The following CREB3L1 variants were observed in gnomAD, a reference collection of about 807,000 sequenced individuals.
CREB3L1 encodes cyclic AMP-responsive element-binding protein 3-like protein 1.
In CREB3L1, 33 loss-of-function variants were observed where a neutral mutation model predicts 54.5. The ratio of observed to expected loss-of-function variants is 0.61; its 90% CI spans 0.46 to 0.81. The LOEUF is 0.81. Ranked by LOEUF, CREB3L1 falls within the 30% of genes least tolerant of loss-of-function variation. The pLI is 0.00. For missense variants in CREB3L1, 656 were observed against 673.3 expected, an observed-to-expected ratio of 0.97 and a Z score of 0.29; for synonymous variants, 284 against 286.4, an observed-to-expected ratio of 0.99 and a Z score of 0.08.
Position 46,316,382 on chromosome 11 carries a change from C to T in CREB3L1, c.1128C>T (p.Leu376=). The change falls in exon 9 of 12, where the codon CTC becomes CTT. Residue 376 remains leucine (L), a synonymous_variant. Transcript: ENST00000621158. ...KMAATQTGTC[L]MVAALCFVLV... ...CCGCCACCCAGACTGGGACCTGCCT[C>T]ATGGTAGGTGTGGCTCCCTCCACCA... The T allele has an allele frequency of 6.5e-7, 1 of 1,550,006 alleles. No homozygotes were observed. Among genetic ancestry groups the T allele is most frequent in the Non-Finnish European group, 8.8e-7 (1 of 1,141,706 alleles).
chr11:46,301,686 C>A (rs1369533913), intron 2 of CREB3L1, among the ~76,000 whole-genome samples: 1 of 149,710 alleles, frequency 6.7e-6, no homozygotes, highest in African/African-American at 2.5e-5. Flanking sequence ...AGACGGGGTG[C>A]TGTGGCTCAC....
intron 2 of CREB3L1, among the ~76,000 whole-genome samples, chr11:46,300,974 C>T (rs1939290678): frequency 7.5e-6 from 1 of 133,780 alleles, no homozygotes; most frequent in Non-Finnish European, 1.5e-5. Flanking sequence ...CACTGCACTC[C>T]AGCCTGGGCG....
chr11:46,316,232 G>A (rs1939563810), intron 8 of CREB3L1, 54 bp from the exon 9 acceptor site: 1 of 1,159,982 alleles, frequency 8.6e-7, no homozygotes, highest in East Asian at 2.6e-5. Flanking sequence ...GCTCCAGGAG[G>A]CAGAGATGCC....
In CREB3L1 at chr11:46,302,168, A is replaced by AAATAATAATAAT. The variant is rs61146206; in HGVS notation, c.331+2044_331+2055dup. Among the ~76,000 whole-genome samples, 348 of 135,618 alleles carry AAATAATAATAAT rather than the reference A, an allele frequency of 2.6e-3. 1 individual carries two copies. The highest frequency in any genetic ancestry group is 3.5e-3 in the South Asian group (14 of 3,962). The allele number at this position is 135,618 out of a possible 152,430, so 89.0% of individuals were successfully genotyped here. A position where few individuals can be genotyped will look rare whatever the true frequency, so the allele number is the denominator to read the frequency against. ...GGGCAACAGAGCGAGGCTCCGTCTC[A>AAATAATAATAAT]AATAATAATAATAATAATAATAATA... is the stretch of plus-strand genomic sequence containing the variant. On this transcript the variant is annotated intron_variant, in intron 2 of 11. Coordinates refer to ENST00000621158, the MANE Select transcript of CREB3L1 (RefSeq NM_052854.4).
In CREB3L1 at chr11:46,312,672, T is replaced by A; in HGVS notation, c.962+2T>A. On this transcript the variant is annotated splice_donor_variant, in intron 7 of 11. Coordinates refer to ENST00000621158, the MANE Select transcript of CREB3L1 (RefSeq NM_052854.4). LOFTEE classifies it high-confidence loss of function. ...GTATGTGGAGTGTCTAGAAAAGAAG[T>A]AAGGGGCTTGGGAGGGGTGGGCAAT... 1 of 1,605,992 alleles carries A rather than the reference T, an allele frequency of 6.2e-7. No individual in the cohort carries two copies. Among genetic ancestry groups the A allele is most frequent in the Non-Finnish European group, 8.5e-7 (1 of 1,175,596 alleles).
rs1939192042 is a variant in CREB3L1 at position 46,295,307 on chromosome 11, CAG to C, written c.103-4624_103-4623del. ...CCGGGAGAGTCCCCTCTGCCGCCAC[CAG>C]AGACAGCCACCAAAGCGCCCCACGG... On this transcript the variant is annotated intron_variant, in intron 1 of 11. Transcript: ENST00000621158. This position sits in a 1 kb window ranked among gnomAD's most constrained non-coding sequence, Gnocchi z 4.6. The C allele has an allele frequency of 6.6e-6, 1 of 152,470 alleles. No homozygotes were observed. The highest frequency in any genetic ancestry group is 6.5e-5 in the Admixed American group (1 of 15,292). 9.4% of individuals were successfully genotyped at this position (152,470 alleles called of 1,614,324 possible).
intron 1 of CREB3L1, among the ~76,000 whole-genome samples, chr11:46,287,272 G>A (rs549448020): frequency 6.6e-6 from 1 of 152,212 alleles, no homozygotes; most frequent in South Asian, 2.1e-4. Context: ...ATAAACAATA[G>A]TTGCCACTGC....
rs577825707 is a variant in CREB3L1 at position 46,317,406 on chromosome 11, T to C, written c.1177T>C (p.Cys393Arg). ...FVLVLGSLVPCLPEFSSGSQT... is the reference protein window; with the variant it reads ...FVLVLGSLVPRLPEFSSGSQT... The stretch of plus-strand genomic sequence containing the variant: ...TCTGGTGCTGGGCTCCCTCGTGCCC[T>C]GCCTTCCCGAGTTCTCCTCCGGCTC... The change falls in exon 10 of 12, where the codon TGC (cysteine) becomes CGC (arginine). Residue 393 changes from cysteine (C) to arginine (R), a missense_variant. Cys to Arg is a radical substitution (Grantham distance 180). Coordinates refer to ENST00000621158, the MANE Select transcript of CREB3L1 (RefSeq NM_052854.4). 5 of 1,613,880 alleles carry C rather than the reference T, an allele frequency of 3.1e-6. No homozygotes were observed. Among genetic ancestry groups the C allele is most frequent in the Non-Finnish European group, 3.4e-6 (4 of 1,179,884 alleles).
chr11:46,301,393 T>C (rs1939299871), intron 2 of CREB3L1, among the ~76,000 whole-genome samples: 1 of 151,882 alleles, frequency 6.6e-6, no homozygotes, highest in Non-Finnish European at 1.5e-5. Context: ...ATCCCAGCAC[T>C]CTGGGAGGCT....
intron 10 of CREB3L1, among the ~76,000 whole-genome samples, chr11:46,318,743 C>T (rs976802848): frequency 2.7e-4 from 41 of 152,090 alleles, no homozygotes; most frequent in Admixed American, 2.6e-3. Context: ...CCAAGAACCA[C>T]GTGTCTGGCA....
chr11:46,286,799 C>T (rs1343526363), intron 1 of CREB3L1, among the ~76,000 whole-genome samples: 2 of 151,368 alleles, frequency 1.3e-5, no homozygotes, highest in Non-Finnish European at 2.9e-5. Flanking sequence ...AACAAACAGA[C>T]AAACAAAAAG....
rs1187221572 is a variant in CREB3L1 at position 46,278,729 on chromosome 11, A to AC, written c.102+522dup. ...CAGCCCCAGGGAATCAGGCCCAGAG[A>AC]CCCCCCACCCCAGGGAGGGACCTGA... On this transcript the variant is annotated intron_variant, in intron 1 of 11. Transcript: ENST00000621158. The surrounding 1 kb of genome is among the most constrained non-coding windows in gnomAD (Gnocchi z 4.2). Among the ~76,000 whole-genome samples the AC allele has an allele frequency of 6.6e-5, 10 of 151,364 alleles. No homozygotes were observed. In the South Asian group the frequency reaches 1.5e-3, roughly 22 times the overall value.
chr11:46,303,238 G>C (rs1470571883), intron 2 of CREB3L1, among the ~76,000 whole-genome samples: 1 of 152,176 alleles, frequency 6.6e-6, no homozygotes, highest in East Asian at 1.9e-4. Flanking sequence ...CTAGGCCTCT[G>C]TTTCCTCAGT....
chr11:46,311,136 A>G lies in CREB3L1; in HGVS notation c.700A>G (p.Met234Val). 6.2e-7 allele frequency: 1 copy of G among 1,605,134 alleles called. No individual in the cohort carries two copies. The highest frequency in any genetic ancestry group is 8.5e-7 in the Non-Finnish European group (1 of 1,178,934). The change falls in exon 5 of 12, where the codon ATG (methionine) becomes GTG (valine). Residue 234 changes from methionine to valine, a missense_variant. Physicochemically the swap from Met to Val is conservative, Grantham distance 21. Transcript: ENST00000621158. ...SLPPSSPVRPMARSSTAISTS... is the reference protein window; with the variant it reads ...SLPPSSPVRPVARSSTAISTS... ...GCCCCCCTCCAGCCCTGTCAGGCCC[A>G]TGGCGCGCTCCTCCACGGCCATCTC...
At chr11:46,300,197 C>T (rs752189757) in intron 2 of CREB3L1, 34 bp downstream of exon 2, 2 of 1,464,702 alleles carry the variant, frequency 1.4e-6, no homozygotes, top group Admixed American at 1.9e-5. Flanking sequence ...ACAGCACAGG[C>T]CCAGGAGGCC....
Position 46,311,036 on chromosome 11 carries a change from C to T in CREB3L1, c.600C>T (p.Asp200=), listed in dbSNP as rs770508076. 20 of 1,598,372 alleles carry T rather than the reference C, an allele frequency of 1.3e-5. No individual in the cohort carries two copies. The East Asian group carries it at 3.6e-4, about 29-fold the overall frequency. ...VNQFLKVTPE[D]LVQMPPTPPS... ...GGTTTCCCCTGCTCTCCCCAGAGGA[C>T]CTGGTGCAGATGCCTCCGACGCCCC... Residue 200 remains aspartate (D), a synonymous_variant, in exon 5 of 12, where the codon GAC becomes GAT. Transcript: ENST00000621158.
chr11:46,315,395 C>T (rs1939552927), intron 8 of CREB3L1: 1 of 216,462 alleles, frequency 4.6e-6, no homozygotes, highest in East Asian at 6.8e-5. Flanking sequence ...CAAGCCTGTG[C>T]TGAACGCATT....
chr11:46,309,976 G>T lies in CREB3L1; in HGVS notation c.517-13G>T. On this transcript the variant is annotated splice_polypyrimidine_tract_variant and intron_variant, in intron 3 of 11. Coordinates refer to ENST00000621158, the MANE Select transcript of CREB3L1 (RefSeq NM_052854.4). The stretch of plus-strand genomic sequence containing the variant: ...AGGGGCAGCTAATGGAGCTGGGCTT[G>T]TCTGTTCCTCAGGCCCCGGGAGAGA... 1 of 1,591,090 alleles carries T rather than the reference G, an allele frequency of 6.3e-7. No homozygotes were observed. The highest frequency in any genetic ancestry group is 8.6e-7 in the Non-Finnish European group (1 of 1,169,064).
chr11:46,321,147 A>T lies in CREB3L1; in HGVS notation c.*401A>T. ...AACAGAAATTGTTTGTAAATAATGA[A>T]CCTTATTTTTTATTATTGCCAATCC... On this transcript the variant is annotated 3_prime_UTR_variant, in exon 12 of 12. Coordinates refer to ENST00000621158, the MANE Select transcript of CREB3L1 (RefSeq NM_052854.4). The T allele has an allele frequency of 2.5e-6, 1 of 404,650 alleles. No individual in the cohort carries two copies. The highest frequency in any genetic ancestry group is 4.7e-6 in the Non-Finnish European group (1 of 214,748). The allele number at this position is 404,650 out of a possible 1,614,324, so 25.1% of individuals were successfully genotyped here. A position where few individuals can be genotyped will look rare whatever the true frequency, so the allele number is the denominator to read the frequency against.
Sources: allele counts gnomAD v4.1 joint callset (sites outside exome capture counted in the v4.1 genomes callset), GRCh38; gene constraint gnomAD v4.1.1; non-coding constraint Gnocchi (gnomAD v3.1); transcripts MANE v1.5; gene names NCBI Gene and HGNC (gene_info 2026-07-23, HGNC 2026-07-21).